BAG1: variants seen among roughly 807,000 people sequenced by gnomAD.
The protein encoded by BAG1 is BAG cochaperone 1.
Under a neutral mutation model 35.5 loss-of-function variants are expected in BAG1, and 35 were observed. The ratio of observed to expected loss-of-function variants is 0.99; its 90% confidence interval spans 0.75 to 1.31. BAG1 has a LOEUF of 1.31. Ranked by LOEUF, BAG1 falls within the 50% of genes most tolerant of loss-of-function variation. BAG1 has a pLI of 0.00. For synonymous variants in BAG1, 191 were observed against 178.9 expected (o/e 1.07, Z -0.54); for missense variants, 464 against 453.6 (o/e 1.02, Z -0.21).
At position 33,253,495 on chromosome 9, in the gene BAG1, AG is replaced by A. The variant is rs1401393166; in HGVS notation, c.*1723del. 1.3e-5 allele frequency: 2 copies of A among 152,256 alleles called. No individual in the cohort carries two copies. The highest frequency in any genetic ancestry group is 1.3e-4 in the Admixed American group (2 of 15,290). 9.4% of individuals were successfully genotyped at this position (152,256 alleles called of 1,614,324 possible). A position where few individuals can be genotyped will look rare whatever the true frequency, so the allele number is the denominator to read the frequency against. On this transcript the variant is annotated 3_prime_UTR_variant, in exon 7 of 7. Coordinates refer to ENST00000634734, the MANE Select transcript of BAG1 (RefSeq NM_004323.6). ...TTAAATGTTGTGGCCCACGCCACAC[AG>A]CTATCACACAAAAATAGATCAATAG... is the stretch of plus-strand genomic sequence containing the variant.
At chr9:33,256,493 C>G (rs1321489209) in intron 5 of BAG1, among the ~76,000 whole-genome samples, 1 of 152,222 alleles carries the variant, frequency 6.6e-6, no homozygotes, top group Non-Finnish European at 1.5e-5. Context: ...TCCTCTGTTT[C>G]CTGGACCATG....
intron 2 of BAG1, 67 bp from the exon 3 acceptor site, chr9:33,261,236 G>A (rs1411105074): frequency 8.0e-7 from 1 of 1,245,420 alleles, no homozygotes; most frequent in East Asian, 2.4e-5. Flanking sequence ...ATTTCAGCAG[G>A]ATACAGGAAA....
rs1220066846 is a variant in BAG1, at chr9:33,252,477, CT to C, written c.*2741del. The C allele has an allele frequency of 1.3e-5, 2 of 151,566 alleles. No individual in the cohort carries two copies. The highest frequency in any genetic ancestry group is 2.9e-5 in the Non-Finnish European group (2 of 67,904). 9.4% of individuals were successfully genotyped at this position (151,566 alleles called of 1,614,324 possible). ...TGTGTGCATTCAACATTCATTTGTT[CT>C]CCAAATATTTATTGAGGTCTTACTA... On this transcript the variant is annotated 3_prime_UTR_variant, in exon 7 of 7. Coordinates refer to ENST00000634734, the MANE Select transcript of BAG1 (RefSeq NM_004323.6).
At chr9:33,261,905 G>T in intron 2 of BAG1, 1 of 985,352 alleles carries the variant, frequency 1.0e-6, no homozygotes. Context: ...AGGTAAGTTT[G>T]CTCAAAACCT....
At chr9:33,260,955 GATTGT>G in intron 3 of BAG1, 127 bp downstream of exon 3, 3 of 623,624 alleles carry the variant, frequency 4.8e-6, no homozygotes, top group Non-Finnish European at 7.9e-6. Flanking sequence ...AACCAATAAA[GATTGT>G]ATTTGTTTAG....
chr9:33,264,181 C>T, intron 1 of BAG1, 43 bp downstream of exon 1: 1 of 1,544,518 alleles, frequency 6.5e-7, no homozygotes, highest in Non-Finnish European at 8.7e-7. Flanking sequence ...CCCCGCCGGG[C>T]TTTCGGGACC....
chr9:33,258,298 C>CAAAAAAA (rs10591225), intron 4 of BAG1, among the ~76,000 whole-genome samples: 72 of 63,316 alleles, frequency 1.1e-3, no homozygotes, highest in Middle Eastern at 0.012. Flanking sequence ...GACTCCATAT[C>CAAAAAAA]AAAAAAAAAA....
In BAG1 at chr9:33,254,929, A is replaced by G. The variant is rs1820419285; in HGVS notation, c.*290T>C. On this transcript the variant is annotated 3_prime_UTR_variant, in exon 7 of 7. Transcript: ENST00000634734. Reference sequence around the variant, plus strand: ...TTAGAGCTCTCACCAGCCCAAAGAAAGCACCCAGAGGTCCAAACAGCTGGG... The same window carrying G: ...TTAGAGCTCTCACCAGCCCAAAGAAGGCACCCAGAGGTCCAAACAGCTGGG... 1 of 1,158,736 alleles carries G rather than the reference A, an allele frequency of 8.6e-7. No individual in the cohort carries two copies. The highest frequency in any genetic ancestry group is 1.6e-5 in the African/African-American group (1 of 62,974). The allele number at this position is 1,158,736 out of a possible 1,614,324, so 71.8% of individuals were successfully genotyped here. A position where few individuals can be genotyped will look rare whatever the true frequency, so the allele number is the denominator to read the frequency against.
In BAG1 at chr9:33,262,682, A is replaced by G. The variant is rs1820601464; in HGVS notation, c.580+20T>C. 1.3e-6 allele frequency: 2 copies of G among 1,568,046 alleles called. No individual in the cohort carries two copies. Among genetic ancestry groups the G allele is most frequent in the Non-Finnish European group, 1.7e-6 (2 of 1,164,630 alleles). On this transcript the variant is annotated intron_variant, in intron 2 of 6. Coordinates refer to ENST00000634734, the MANE Select transcript of BAG1 (RefSeq NM_004323.6). ...CAAAAAAAAAAAAAGAAAAAGAAAG[A>G]AAGAAAAAGAAATGCTTACCCTTAA... is the stretch of plus-strand genomic sequence containing the variant.
chr9:33,255,135 A>C lies in BAG1; in HGVS notation c.*84T>G. The C allele has an allele frequency of 1.2e-6, 2 of 1,613,732 alleles. No homozygotes were observed. The highest frequency in any genetic ancestry group is 1.7e-6 in the Non-Finnish European group (2 of 1,179,798). On this transcript the variant is annotated 3_prime_UTR_variant, in exon 7 of 7. Coordinates refer to ENST00000634734, the MANE Select transcript of BAG1 (RefSeq NM_004323.6). ...TGGCCAGTTGCCCCCAGCAGCCCTG[A>C]AGAAATCAGGTAAATTCCGCTCCAG...
intron 1 of BAG1, among the ~76,000 whole-genome samples, chr9:33,263,756 G>T (rs1820632435): frequency 7.1e-6 from 1 of 141,204 alleles, no homozygotes; most frequent in South Asian, 2.4e-4. Flanking sequence ...CCAACAGTAG[G>T]CAGACCCAAA....
rs893220938 is a variant in BAG1 at position 33,253,876 on chromosome 9, G to C, written c.*1343C>G. On this transcript the variant is annotated 3_prime_UTR_variant, in exon 7 of 7. Transcript: ENST00000634734. ...ACTTAAATTTTAGAGATGGGGTCTT[G>C]CTATGTTGCCCAGACTAGACTCAAA... 3 of 150,672 alleles carry C rather than the reference G, an allele frequency of 2.0e-5. No individual in the cohort carries two copies. The highest frequency in any genetic ancestry group is 2.9e-5 in the Non-Finnish European group (2 of 67,870). 9.3% of individuals were successfully genotyped at this position (150,672 alleles called of 1,614,324 possible). A position where few individuals can be genotyped will look rare whatever the true frequency, so the allele number is the denominator to read the frequency against.
chr9:33,255,646 G>C (rs1820437551), intron 6 of BAG1, among the ~76,000 whole-genome samples: 1 of 152,192 alleles, frequency 6.6e-6, no homozygotes, highest in African/African-American at 2.4e-5. Flanking sequence ...AGCCCTACCT[G>C]CTCTCCAGTG....
chr9:33,263,689 G>GA (rs1172171869), intron 1 of BAG1, among the ~76,000 whole-genome samples: 1 of 152,158 alleles, frequency 6.6e-6, no homozygotes, highest in East Asian at 1.9e-4. Context: ...TGGTTCTAGA[G>GA]AAACCTCATG....
rs1033493794 is a variant in BAG1 at position 33,256,963 on chromosome 9, C to T, written c.778-55G>A. ...GTTCTCTGAGGCTGACGGAAGACTC[C>T]ATGCCACAATACTAATGATGCAATC... On this transcript the variant is annotated intron_variant, in intron 4 of 6. Transcript: ENST00000634734. 5.6e-5 allele frequency: 75 copies of T among 1,344,354 alleles called. No homozygotes were observed. The Admixed American group carries it at 1.2e-3, about 22-fold the overall frequency. 83.3% of individuals were successfully genotyped at this position (1,344,354 alleles called of 1,614,324 possible).
rs1457706307 is a variant in BAG1 at position 33,256,916 on chromosome 9, G to A, written c.778-8C>T. On this transcript the variant is annotated splice_region_variant and splice_polypyrimidine_tract_variant and intron_variant, in intron 4 of 6. Coordinates refer to ENST00000634734, the MANE Select transcript of BAG1 (RefSeq NM_004323.6). ...ATCCTTGGGCAGAAAACCCTGCGGG[G>A]AAATAATGCATTATTGCAAGGGTTC... 1.2e-6 allele frequency: 2 copies of A among 1,607,892 alleles called. No homozygotes were observed. Among genetic ancestry groups the A allele is most frequent in the South Asian group, 2.2e-5 (2 of 90,932 alleles).
chr9:33,258,660 T>C (rs1471634772), intron 4 of BAG1, among the ~76,000 whole-genome samples: 1 of 152,246 alleles, frequency 6.6e-6, no homozygotes, highest in African/African-American at 2.4e-5. Context: ...CAATAAATGC[T>C]TATAAAGCAC....
rs145805568 is a variant in BAG1 at position 33,264,377 on chromosome 9, A to G, written c.298T>C (p.Trp100Arg). ...TCACTCTGGGTCGCCTCTTCACTCC[A>G]GGTCGCTTCCTCACTCAGGGTCAAC... Residue 100 changes from tryptophan (W) to arginine (R), a missense_variant, in exon 1 of 7, where the codon TGG becomes CGG. By Grantham distance (101) the Trp-to-Arg change is moderately radical. Transcript: ENST00000634734. 10 of 1,609,344 alleles carry G rather than the reference A, an allele frequency of 6.2e-6. No individual in the cohort carries two copies. Among genetic ancestry groups the G allele is most frequent in the Non-Finnish European group, 8.5e-6 (10 of 1,178,610 alleles).
chr9:33,261,764 T>C (rs1191871749), intron 2 of BAG1, among the ~76,000 whole-genome samples: 1 of 152,152 alleles, frequency 6.6e-6, no homozygotes, highest in Non-Finnish European at 1.5e-5. Context: ...ATGGGGTAAG[T>C]CTTTCCCCAG....
Sources: gnomAD v4.1 joint callset for allele counts (sites outside exome capture counted in the v4.1 genomes callset) on GRCh38, gnomAD v4.1.1 for gene constraint, MANE v1.5 for transcripts, NCBI Gene and HGNC (gene_info 2026-07-23, HGNC 2026-07-21) for gene names.